The following LRIG1 variants were observed in gnomAD, a reference collection of about 807,000 sequenced individuals.
The protein encoded by LRIG1 is leucine rich repeats and immunoglobulin like domains 1, also known as leucine-rich repeats and immunoglobulin-like domains protein 1.
A neutral mutation model predicts 99.2 loss-of-function variants in LRIG1; 48 were observed. The ratio of observed to expected loss-of-function variants is 0.48; its 90% confidence interval spans 0.38 to 0.62. The LOEUF (loss-of-function observed/expected upper bound fraction) is 0.62, where lower values mean the gene tolerates loss of function less well. Ranked by LOEUF, LRIG1 falls within the 20% of genes least tolerant of loss-of-function variation. The probability of loss-of-function intolerance (pLI) is 0.00; values close to 1 mark genes in which losing one functional copy is unlikely to be tolerated. For synonymous variants in LRIG1, 772 were observed against 596.1 expected (o/e 1.29, Z -4.30); for missense variants, 1,646 against 1,434.4 (o/e 1.15, Z -2.38).
chr3:66,384,713 T>C (rs1410463467), intron 13 of LRIG1, among the ~76,000 whole-genome samples: 2 of 151,606 alleles, frequency 1.3e-5, no homozygotes, highest in African/African-American at 4.9e-5. Flanking sequence ...TGGGTGTTCA[T>C]GGGATGAATG....
intron 3 of LRIG1, among the ~76,000 whole-genome samples, chr3:66,450,383 C>A (rs375373509): frequency 9.2e-5 from 14 of 152,250 alleles, no homozygotes; most frequent in African/African-American, 3.1e-4. Context: ...GCCTCACTTT[C>A]CTCATGTATA....
chr3:66,395,629 G>A (rs994345965), intron 11 of LRIG1, among the ~76,000 whole-genome samples: 1 of 152,182 alleles, frequency 6.6e-6, no homozygotes, highest in South Asian at 2.1e-4. Context: ...TTATTTCACG[G>A]GCAGGTAGCG....
intron 16 of LRIG1, 140 bp downstream of exon 16, chr3:66,382,133 C>G (rs1575641448): frequency 2.1e-6 from 2 of 945,358 alleles, no homozygotes; most frequent in East Asian, 4.8e-5. Flanking sequence ...AATAGCAGCC[C>G]TTAGTCATAC....
In LRIG1 at chr3:66,449,401, C is replaced by T. The variant is rs547117773; in HGVS notation, c.365+2158G>A. Among the ~76,000 whole-genome samples, 11 of 152,342 alleles carry T rather than the reference C, an allele frequency of 7.2e-5. No individual in the cohort carries two copies. The South Asian group carries it at 8.3e-4, about 11-fold the overall frequency. On this transcript the variant is annotated intron_variant, in intron 3 of 18. Coordinates refer to ENST00000273261, the MANE Select transcript of LRIG1 (RefSeq NM_015541.3). ...AGAGCTGGCTGCCAGTGCTAACCTG[C>T]ATTTTCCAAACTGAATCCAAACAGG...
At chr3:66,479,345 C>T (rs1039542625) in intron 1 of LRIG1, among the ~76,000 whole-genome samples, 4 of 152,194 alleles carry the variant, frequency 2.6e-5, no homozygotes, top group African/African-American at 7.2e-5. Flanking sequence ...TCCCCTAGAG[C>T]GTCTGTAGTC....
Position 66,380,831 on chromosome 3 carries a change from C to T in LRIG1, c.2801G>A (p.Cys934Tyr). The T allele has an allele frequency of 3.1e-6, 5 of 1,614,236 alleles. No homozygotes were observed. Among genetic ancestry groups the T allele is most frequent in the South Asian group, 1.1e-5 (1 of 91,088 alleles). ...EHGGRVVCSD[C>Y]NTEVDCYSRG... ...GGAGTAACAGTCCACTTCGGTGTTG[C>T]AGTCACTGCATACGACCCGGCCACC... The change falls in exon 18 of 19, where the codon TGC becomes TAC. Residue 934 changes from cysteine to tyrosine, a missense_variant. By Grantham distance (194) the Cys-to-Tyr change is radical. Coordinates refer to ENST00000273261, the MANE Select transcript of LRIG1 (RefSeq NM_015541.3).
At chr3:66,448,794 C>A (rs77584350) in intron 3 of LRIG1, among the ~76,000 whole-genome samples, 1 of 152,108 alleles carries the variant, frequency 6.6e-6, no homozygotes, top group South Asian at 2.1e-4. Context: ...CCCACAAAAA[C>A]GGAATAAGAA....
At chr3:66,449,841 C>T (rs1342525318) in intron 3 of LRIG1, among the ~76,000 whole-genome samples, 1 of 152,238 alleles carries the variant, frequency 6.6e-6, no homozygotes, top group East Asian at 1.9e-4. Flanking sequence ...GTTACATCAG[C>T]ATTTCTCAAA....
At position 66,380,429 on chromosome 3, in the gene LRIG1, G is replaced by A. The variant is rs755177131; in HGVS notation, c.3116C>T (p.Ala1039Val). 1.1e-5 allele frequency: 18 copies of A among 1,614,086 alleles called. No individual in the cohort carries two copies. Among genetic ancestry groups the A allele is most frequent in the South Asian group, 4.4e-5 (4 of 91,086 alleles). Residue 1039 changes from alanine (A) to valine (V), a missense_variant, in exon 19 of 19, where the codon GCA (alanine) becomes GTA (valine). Ala to Val is a moderately conservative substitution (Grantham distance 64, BLOSUM62 0). Coordinates refer to ENST00000273261, the MANE Select transcript of LRIG1 (RefSeq NM_015541.3). The part of the protein sequence containing the change: ...YHPDSTELQP[A>V]SSLTSGSPER... ...TGGACTGCCTGAAGTTAATGAAGAT[G>A]CAGGCTGTAGCTCTGTGGAGTCCGG...
chr3:66,384,806 G>T (rs1701284805), intron 13 of LRIG1, among the ~76,000 whole-genome samples: 1 of 152,186 alleles, frequency 6.6e-6, no homozygotes, highest in African/African-American at 2.4e-5. Flanking sequence ...CATTCAGCTT[G>T]CTAGCTTGCT....
At chr3:66,385,583 G>C (rs1701333530) in intron 13 of LRIG1, among the ~76,000 whole-genome samples, 1 of 152,170 alleles carries the variant, frequency 6.6e-6, no homozygotes, top group Admixed American at 6.5e-5. Flanking sequence ...CTCCCAAGTA[G>C]CTGGGATTAC....
intron 8 of LRIG1, chr3:66,406,037 G>C (rs935139318): frequency 6.2e-5 from 61 of 987,668 alleles, no homozygotes; most frequent in Non-Finnish European, 7.0e-5. Flanking sequence ...CAAGGTTCTT[G>C]GTTCTTAAAT....
At chr3:66,499,815 C>A (rs1701312928) in intron 1 of LRIG1, among the ~76,000 whole-genome samples, 2 of 151,752 alleles carry the variant, frequency 1.3e-5, no homozygotes, top group Admixed American at 1.3e-4. Flanking sequence ...CTTCTTCACA[C>A]TCTTCTCCAG....
At chr3:66,406,064 T>C (rs1052252934) in intron 8 of LRIG1, 1 of 986,538 alleles carries the variant, frequency 1.0e-6, no homozygotes, top group Admixed American at 6.1e-5. Flanking sequence ...CCCGAGCCCT[T>C]GCAGACACAG....
chr3:66,442,232 A>G (rs998901031), intron 3 of LRIG1, among the ~76,000 whole-genome samples: 11 of 152,214 alleles, frequency 7.2e-5, no homozygotes, highest in African/African-American at 2.4e-4. Context: ...CTTATGAAGG[A>G]AAGGCCCGGC....
intron 3 of LRIG1, among the ~76,000 whole-genome samples, chr3:66,418,898 G>A (rs2106702114): frequency 6.6e-6 from 1 of 152,174 alleles, no homozygotes; most frequent in East Asian, 1.9e-4. Context: ...CGGCATGAAA[G>A]GACCCTTTCC....
chr3:66,497,607 T>C (rs182718784), intron 1 of LRIG1, among the ~76,000 whole-genome samples: 31 of 152,026 alleles, frequency 2.0e-4, no homozygotes, highest in Admixed American at 1.2e-3. Context: ...ATCCATTCTG[T>C]TTCTTCTATT....
chr3:66,441,332 G>A (rs1444075476), intron 3 of LRIG1, among the ~76,000 whole-genome samples: 2 of 152,196 alleles, frequency 1.3e-5, no homozygotes, highest in Admixed American at 1.3e-4. Flanking sequence ...GTCTTCGGGG[G>A]CAGATAGCCA....
intron 7 of LRIG1, among the ~76,000 whole-genome samples, chr3:66,408,846 A>G (rs1379351460): frequency 6.6e-6 from 1 of 151,588 alleles, no homozygotes; most frequent in Non-Finnish European, 1.5e-5. Context: ...AAAAGTTAGG[A>G]AAGAGGCAGG....
Sources: gnomAD v4.1 joint callset for allele counts (sites outside exome capture counted in the v4.1 genomes callset) on GRCh38, gnomAD v4.1.1 for gene constraint, MANE v1.5 for transcripts, NCBI Gene and HGNC (gene_info 2026-07-23, HGNC 2026-07-21) for gene names.